Variants in FOLH1 observed in about 807,000 individuals in gnomAD.
FOLH1 encodes folate hydrolase 1.
Under a neutral mutation model 93.9 loss-of-function variants are expected in FOLH1, and 54 were observed. The ratio of observed to expected loss-of-function variants is 0.57; its 90% CI spans 0.46 to 0.72. FOLH1 has a LOEUF of 0.72. FOLH1 is among the 30% of genes least tolerant of loss of function. The probability of loss-of-function intolerance (pLI) is 0.00; values close to 1 mark genes in which losing one functional copy is unlikely to be tolerated. For synonymous variants in FOLH1, 249 were observed against 303.6 expected (o/e 0.82, Z 1.87); for missense variants, 571 against 892.5 (o/e 0.64, Z 4.59).
intron 3 of FOLH1, among the ~76,000 whole-genome samples, chr11:49,199,023 G>A (rs2135303062): frequency 6.6e-6 from 1 of 152,122 alleles, no homozygotes; most frequent in East Asian, 1.9e-4. Context: ...ATCACTGACT[G>A]TAAAACATAA....
At chr11:49,177,822 G>C (rs1225410107) in intron 7 of FOLH1, among the ~76,000 whole-genome samples, 1 of 151,238 alleles carries the variant, frequency 6.6e-6, no homozygotes, top group Admixed American at 6.6e-5. Context: ...AATGAGCCGG[G>C]CATGGTGGCA....
At position 49,156,731 on chromosome 11, in the gene FOLH1, A is replaced by G. The variant is rs764896694; in HGVS notation, c.1609T>C (p.Tyr537His). 1.2e-5 allele frequency: 20 copies of G among 1,612,808 alleles called. No individual in the cohort carries two copies. The highest frequency in any genetic ancestry group is 1.7e-5 in the Non-Finnish European group (20 of 1,179,100). ...RLGIASGRAR[Y>H]TKNWETNKFS... ...GATTCACTTACCCAATTTTTAGTATACCGTGCTCTGCCTGAAGCAATTCCA... is the reference window on the plus strand; with the variant it reads ...GATTCACTTACCCAATTTTTAGTATGCCGTGCTCTGCCTGAAGCAATTCCA... The change falls in exon 15 of 19, where the codon TAT (tyrosine) becomes CAT (histidine). Residue 537 changes from tyrosine (Y) to histidine (H), a missense_variant. By Grantham distance (83) the Tyr-to-His change is moderately conservative. This residue lies in a region of FOLH1 where 500 missense variants were observed against 822.9 expected (regional missense o/e 0.61). Coordinates refer to ENST00000256999, the MANE Select transcript of FOLH1 (RefSeq NM_004476.3).
chr11:49,174,575 A>C (rs987664998), intron 9 of FOLH1, among the ~76,000 whole-genome samples: 7 of 152,004 alleles, frequency 4.6e-5, no homozygotes, highest in Non-Finnish European at 8.8e-5. Flanking sequence ...GGTAAAAAAA[A>C]ATTCAGAAAA....
At chr11:49,185,173 C>T (rs527441344) in intron 6 of FOLH1, among the ~76,000 whole-genome samples, 13 of 152,178 alleles carry the variant, frequency 8.5e-5, no homozygotes, top group African/African-American at 3.1e-4. Context: ...CTCTCCTGTC[C>T]CTTACCCACA....
chr11:49,172,719 C>T lies in FOLH1; in HGVS notation c.1225+638G>A, dbSNP rs185386381. On this transcript the variant is annotated intron_variant, in intron 10 of 18. Transcript: ENST00000256999. ...TTGCAGGGTCAATAAAGAGAATGAA[C>T]TTCCTGCTCTCAATGTGTAATTATT... is the stretch of plus-strand genomic sequence containing the variant. 1.0e-2 allele frequency among the ~76,000 whole-genome samples: 1,518 copies of T among 152,220 alleles called. 23 individuals are homozygous for T. Among genetic ancestry groups the T allele is most frequent in the African/African-American group, 0.034 (1,430 of 41,540 alleles).
chr11:49,181,892 T>C (rs1012540999), intron 7 of FOLH1, among the ~76,000 whole-genome samples: 6 of 152,200 alleles, frequency 3.9e-5, no homozygotes, highest in African/African-American at 1.4e-4. Context: ...GCCTTGCCCT[T>C]GGTCAAAAAG....
Position 49,207,927 on chromosome 11 carries a change from A to T in FOLH1, c.118+365T>A, listed in dbSNP as rs977633916. On this transcript the variant is annotated intron_variant, in intron 1 of 18. Transcript: ENST00000256999. ...CTTCCAAGGAAGAAAGAATGCACAGAGAGGTAAAAAAACAAACAAACAAAC... is the reference window on the plus strand; with the variant it reads ...CTTCCAAGGAAGAAAGAATGCACAGTGAGGTAAAAAAACAAACAAACAAAC... 3 of 483,168 alleles carry T rather than the reference A, an allele frequency of 6.2e-6. No individual in the cohort carries two copies. The Admixed American group carries it at 7.0e-5, about 11-fold the overall frequency. 29.9% of individuals were successfully genotyped at this position (483,168 alleles called of 1,614,324 possible).
intron 7 of FOLH1, among the ~76,000 whole-genome samples, chr11:49,179,440 A>G (rs886065965): frequency 1.3e-5 from 2 of 152,234 alleles, no homozygotes; most frequent in African/African-American, 4.8e-5. Flanking sequence ...TTAGCAATCA[A>G]TAACAAAAGT....
At chr11:49,167,751 C>CT (rs987538760) in intron 12 of FOLH1, among the ~76,000 whole-genome samples, 4 of 151,910 alleles carry the variant, frequency 2.6e-5, no homozygotes, top group African/African-American at 9.7e-5. Context: ...GAAATCAAGA[C>CT]TAGTGAGCCA....
At chr11:49,151,406 G>A (rs985229415) in intron 17 of FOLH1, among the ~76,000 whole-genome samples, 7 of 150,186 alleles carry the variant, frequency 4.7e-5, no homozygotes, top group East Asian at 1.9e-4. Context: ...GCGCGCGTGC[G>A]CGTGCGTGCA....
Position 49,198,374 on chromosome 11 carries a change from A to G in FOLH1, c.411+1881T>C, listed in dbSNP as rs172129. ...GCGGGAGCCTGTAGTCCCAGCTACTAGGGAGGCTGAGACAGGAGAATGGTG... is the reference window on the plus strand; with the variant it reads ...GCGGGAGCCTGTAGTCCCAGCTACTGGGGAGGCTGAGACAGGAGAATGGTG... On this transcript the variant is annotated intron_variant, in intron 3 of 18. Coordinates refer to ENST00000256999, the MANE Select transcript of FOLH1 (RefSeq NM_004476.3). 2.0e-5 allele frequency among the ~76,000 whole-genome samples: 3 copies of G among 147,364 alleles called. 1 individual carries two copies. Among genetic ancestry groups the G allele is most frequent in the Admixed American group, 2.0e-4 (3 of 14,824 alleles).
At chr11:49,177,553 A>ATT (rs35510819) in intron 7 of FOLH1, among the ~76,000 whole-genome samples, 3 of 150,412 alleles carry the variant, frequency 2.0e-5, no homozygotes, top group African/African-American at 7.3e-5. Flanking sequence ...CCAATAAATT[A>ATT]TTTTTTTTTT....
chr11:49,165,480 G>T (rs1858273514), intron 12 of FOLH1, among the ~76,000 whole-genome samples: 1 of 152,188 alleles, frequency 6.6e-6, no homozygotes, highest in African/African-American at 2.4e-5. Flanking sequence ...AAGCACCCAG[G>T]AGAGGTGTTC....
At chr11:49,193,705 A>T (rs1048620306) in intron 3 of FOLH1, among the ~76,000 whole-genome samples, 5 of 152,200 alleles carry the variant, frequency 3.3e-5, no homozygotes, top group Admixed American at 3.3e-4. Context: ...GCAAAAAAAT[A>T]AAATGAAAGC....
chr11:49,170,671 T>A (rs976925716), intron 11 of FOLH1, among the ~76,000 whole-genome samples: 28 of 152,138 alleles, frequency 1.8e-4, no homozygotes, highest in Admixed American at 6.6e-5. Context: ...AAATCAAACA[T>A]GATACAGGAA....
At chr11:49,152,535 G>C (rs1455945695) in intron 17 of FOLH1, among the ~76,000 whole-genome samples, 1 of 152,110 alleles carries the variant, frequency 6.6e-6, no homozygotes, top group Non-Finnish European at 1.5e-5. Flanking sequence ...TTATGCATTA[G>C]TGAACTGCAA....
At chr11:49,198,777 C>CTTTTTTTTTTT (rs1337012575) in intron 3 of FOLH1, among the ~76,000 whole-genome samples, 1 of 139,494 alleles carries the variant, frequency 7.2e-6, no homozygotes, top group Non-Finnish European at 1.6e-5. Flanking sequence ...GTTTGTTTTT[C>CTTTTTTTTTTT]TTTTTTTTTT....
At chr11:49,158,257 G>A (rs1250020477) in intron 13 of FOLH1, among the ~76,000 whole-genome samples, 1 of 152,078 alleles carries the variant, frequency 6.6e-6, no homozygotes, top group Non-Finnish European at 1.5e-5. Context: ...AAAAATAAAT[G>A]TATGAAGTGC....
intron 5 of FOLH1, chr11:49,186,217 T>C (rs1861354621): frequency 4.9e-6 from 1 of 202,672 alleles, no homozygotes; most frequent in Admixed American, 5.9e-5. Context: ...GAGAAAAATA[T>C]ATTAACAAAT....
Sources: allele counts gnomAD v4.1 joint callset (sites outside exome capture counted in the v4.1 genomes callset), GRCh38; gene constraint gnomAD v4.1.1; regional missense constraint gnomAD v4.1.1; transcripts MANE v1.5; gene names NCBI Gene and HGNC (gene_info 2026-07-23, HGNC 2026-07-21).